The following PLPP3 variants were observed in gnomAD, a reference collection of about 807,000 sequenced individuals.
The protein encoded by PLPP3 is phospholipid phosphatase 3.
PLPP3 carries 6 observed loss-of-function variants against 29.6 expected under a neutral mutation model. That is an observed-to-expected ratio of 0.20 (90% confidence interval 0.11 to 0.40). PLPP3 has a LOEUF of 0.40. Ranked by LOEUF, PLPP3 falls within the 10% of genes least tolerant of loss-of-function variation. PLPP3 has a pLI of 1.00. For missense variants in PLPP3, 308 were observed against 407.7 expected (o/e 0.76, Z 2.11); for synonymous variants, 152 against 159.7 (o/e 0.95, Z 0.36).
chr1:56,568,791 A>AT lies in PLPP3; in HGVS notation c.139+10086dup, dbSNP rs559308813. ...AGGTGCCCACCACCATGCCTGGCTA[A>AT]TTTTTTTGTATTTTTAGTAGAGATG... is the stretch of plus-strand genomic sequence containing the variant. On this transcript the variant is annotated intron_variant, in intron 1 of 5. Coordinates refer to ENST00000371250, the MANE Select transcript of PLPP3 (RefSeq NM_003713.5). 2.3e-3 allele frequency among the ~76,000 whole-genome samples: 347 copies of AT among 151,946 alleles called. 1 individual carries two copies. The highest frequency in any genetic ancestry group is 8.2e-3 in the African/African-American group (340 of 41,446).
At chr1:56,529,212 A>T (rs1645871319) in intron 2 of PLPP3, among the ~76,000 whole-genome samples, 1 of 151,958 alleles carries the variant, frequency 6.6e-6, no homozygotes, top group Non-Finnish European at 1.5e-5. Context: ...GCAGTGAATC[A>T]CTCTGATAAA....
At chr1:56,530,532 ATGAC>A (rs1208631284) in intron 2 of PLPP3, among the ~76,000 whole-genome samples, 5 of 152,224 alleles carry the variant, frequency 3.3e-5, no homozygotes, top group Admixed American at 6.5e-5. Flanking sequence ...CACCAAGCAT[ATGAC>A]TGACAAAGAT....
chr1:56,537,407 T>C (rs1645935536), intron 1 of PLPP3, among the ~76,000 whole-genome samples: 1 of 152,100 alleles, frequency 6.6e-6, no homozygotes, highest in South Asian at 2.1e-4. Flanking sequence ...TGTTCTACAA[T>C]ACCCTGCTAA....
intron 5 of PLPP3, among the ~76,000 whole-genome samples, chr1:56,507,810 A>C (rs1353746048): frequency 3.9e-5 from 6 of 152,190 alleles, no homozygotes; most frequent in Admixed American, 3.3e-4. Flanking sequence ...AAAGTCACAG[A>C]AGAAGGTGTG....
intron 1 of PLPP3, among the ~76,000 whole-genome samples, chr1:56,569,973 T>A (rs542332417): frequency 8.5e-5 from 13 of 152,326 alleles, no homozygotes; most frequent in African/African-American, 3.1e-4. Context: ...ACTGTGCTGC[T>A]AGAGTAGGCC....
intron 1 of PLPP3, among the ~76,000 whole-genome samples, chr1:56,542,289 A>C (rs1314603366): frequency 6.6e-6 from 1 of 152,134 alleles, no homozygotes; most frequent in Non-Finnish European, 1.5e-5. Context: ...ACCCATTGAT[A>C]AACTCATGTG....
In PLPP3 at chr1:56,496,642, G is replaced by C; in HGVS notation, c.845C>G (p.Thr282Arg). The change falls in exon 6 of 6, where the codon ACG (threonine) becomes AGG (arginine). Residue 282 changes from threonine to arginine, a missense_variant. Transcript: ENST00000371250. ...FFVSDLFKTK[T>R]TLSLPAPAIR... is the part of the protein sequence containing the mutation. ...AGCAGGGGCAGGCAGGGAGAGCGTCGTCTTAGTCTTGAAGAGGTCAGACAC... is the reference window on the plus strand; with the variant it reads ...AGCAGGGGCAGGCAGGGAGAGCGTCCTCTTAGTCTTGAAGAGGTCAGACAC... The C allele has an allele frequency of 6.2e-7, 1 of 1,613,772 alleles. No homozygotes were observed. The highest frequency in any genetic ancestry group is 2.2e-5 in the East Asian group (1 of 44,872).
chr1:56,496,776 G>T (rs1217736074), intron 5 of PLPP3, 100 bp from the exon 6 acceptor site: 2 of 1,353,632 alleles, frequency 1.5e-6, no homozygotes, highest in Admixed American at 2.4e-5. Flanking sequence ...CAGGAAAAGG[G>T]GCCCCAAATC....
intron 4 of PLPP3, among the ~76,000 whole-genome samples, chr1:56,515,639 G>C (rs1023403194): frequency 6.6e-6 from 1 of 152,182 alleles, no homozygotes; most frequent in African/African-American, 2.4e-5. Context: ...CAGTCAGTCA[G>C]ACATCACAGT....
chr1:56,573,515 T>C (rs990771295), intron 1 of PLPP3, among the ~76,000 whole-genome samples: 1 of 152,132 alleles, frequency 6.6e-6, no homozygotes, highest in Non-Finnish European at 1.5e-5. Context: ...AACATAGTGA[T>C]TCTAAAATTG....
chr1:56,500,557 T>A (rs1376296075), intron 5 of PLPP3, among the ~76,000 whole-genome samples: 1 of 152,178 alleles, frequency 6.6e-6, no homozygotes, highest in Non-Finnish European at 1.5e-5. Flanking sequence ...TCAGTATATC[T>A]AAGGCGGAGC....
intron 1 of PLPP3, among the ~76,000 whole-genome samples, chr1:56,558,545 A>G (rs924908245): frequency 6.6e-6 from 1 of 152,202 alleles, no homozygotes; most frequent in African/African-American, 2.4e-5. Context: ...CCAATTATTT[A>G]TGACAGATAA....
intron 2 of PLPP3, among the ~76,000 whole-genome samples, chr1:56,532,191 C>A (rs1056037634): frequency 2.6e-5 from 4 of 152,140 alleles, no homozygotes; most frequent in Non-Finnish European, 5.9e-5. Flanking sequence ...GATGCCCCCT[C>A]CCACTGTTCC....
intron 1 of PLPP3, among the ~76,000 whole-genome samples, chr1:56,567,699 A>G (rs549595140): frequency 2.0e-5 from 3 of 152,244 alleles, no homozygotes; most frequent in African/African-American, 4.8e-5. Context: ...ACCCAGCCCA[A>G]TCTTAAGGTA....
chr1:56,536,655 C>T (rs3927760), intron 2 of PLPP3, among the ~76,000 whole-genome samples: 2 of 152,072 alleles, frequency 1.3e-5, no homozygotes, highest in South Asian at 4.1e-4. Context: ...CCTTCCTGAA[C>T]TGTAAGTCTG....
At chr1:56,506,615 C>T (rs1234483695) in intron 5 of PLPP3, among the ~76,000 whole-genome samples, 1 of 152,220 alleles carries the variant, frequency 6.6e-6, no homozygotes, top group African/African-American at 2.4e-5. Context: ...CCTAATTTGC[C>T]ATCTGTTAGA....
chr1:56,537,843 C>T (rs1251548057), intron 1 of PLPP3, among the ~76,000 whole-genome samples: 2 of 152,148 alleles, frequency 1.3e-5, no homozygotes, highest in African/African-American at 4.8e-5. Flanking sequence ...GGGCCCAGGG[C>T]ACCCAGGAGA....
At chr1:56,517,863 C>A (rs1645792760) in intron 4 of PLPP3, among the ~76,000 whole-genome samples, 1 of 152,196 alleles carries the variant, frequency 6.6e-6, no homozygotes, top group South Asian at 2.1e-4. Flanking sequence ...AAGCGTACAG[C>A]TTTTGTAAGA....
intron 5 of PLPP3, among the ~76,000 whole-genome samples, chr1:56,510,087 A>G (rs951036097): frequency 3.7e-4 from 56 of 152,134 alleles, no homozygotes; most frequent in Non-Finnish European, 7.5e-4. Context: ...GGATCCCCCA[A>G]CCTTTTAATT....
Sources: gnomAD v4.1 joint callset for allele counts (sites outside exome capture counted in the v4.1 genomes callset) on GRCh38, gnomAD v4.1.1 for gene constraint, MANE v1.5 for transcripts, NCBI Gene and HGNC (gene_info 2026-07-23, HGNC 2026-07-21) for gene names.